Variants in ADK observed in about 807,000 individuals in gnomAD.
ADK encodes adenosine kinase, also known as N6,N6-dimethyladenosine kinase.
In ADK, 24 loss-of-function variants were observed where a neutral mutation model predicts 44.7. The observed-to-expected ratio is 0.54, with a 90% CI of 0.39 to 0.76. ADK has a LOEUF of 0.76. Ranked by LOEUF, ADK falls within the 30% of genes least tolerant of loss-of-function variation. The probability of loss-of-function intolerance (pLI) is 0.00; values close to 1 mark genes in which losing one functional copy is unlikely to be tolerated. For synonymous variants in ADK, 128 were observed against 142.6 expected, an observed-to-expected ratio of 0.90 and a Z score of 0.73; for missense variants, 321 against 425.1, an observed-to-expected ratio of 0.76 and a Z score of 2.15.
rs368996235 is a variant in ADK at position 74,522,434 on chromosome 10, G to A, written c.556-2822G>A. On this transcript the variant is annotated intron_variant, in intron 6 of 10. Coordinates refer to ENST00000539909, the MANE Select transcript of ADK (RefSeq NM_006721.4). ...CTTCTGCGGGTTTTCTCAATTGCTA[G>A]GGGGCCATATTTTGGGGTATTGTAT... Among the ~76,000 whole-genome samples the A allele has an allele frequency of 7.2e-5, 11 of 152,078 alleles. 1 individual carries two copies.
chr10:74,301,383 G>A (rs747542831), intron 3 of ADK, among the ~76,000 whole-genome samples: 1 of 151,650 alleles, frequency 6.6e-6, no homozygotes. Flanking sequence ...GCGTGGTGGC[G>A]TGCGCCTGTA....
chr10:74,294,732 A>G (rs1462004257), intron 3 of ADK, among the ~76,000 whole-genome samples: 1 of 152,212 alleles, frequency 6.6e-6, no homozygotes, highest in Non-Finnish European at 1.5e-5. Flanking sequence ...CTTGACCATG[A>G]CCACTAATAA....
At chr10:74,499,239 T>C (rs1366206697) in intron 6 of ADK, among the ~76,000 whole-genome samples, 1 of 152,162 alleles carries the variant, frequency 6.6e-6, no homozygotes, top group Non-Finnish European at 1.5e-5. Flanking sequence ...GTTTTTTATA[T>C]TGAAGCCTTA....
intron 4 of ADK, among the ~76,000 whole-genome samples, chr10:74,390,481 ATTG>A (rs1843294830): frequency 6.6e-6 from 1 of 152,120 alleles, no homozygotes; most frequent in Non-Finnish European, 1.5e-5. Context: ...TGATCCACCA[ATTG>A]TTAACATTTC....
intron 6 of ADK, among the ~76,000 whole-genome samples, chr10:74,513,730 G>A (rs1040990199): frequency 7.2e-5 from 11 of 151,954 alleles, no homozygotes; most frequent in Admixed American, 1.3e-4. Flanking sequence ...ATTTACAATC[G>A]TGTTATTATT....
chr10:74,637,223 G>T (rs1035003330), intron 9 of ADK, among the ~76,000 whole-genome samples: 2 of 151,904 alleles, frequency 1.3e-5, no homozygotes, highest in Non-Finnish European at 2.9e-5. Context: ...ATGAAATTCT[G>T]AATATAAAAT....
At chr10:74,500,489 G>GT (rs1447005738) in intron 6 of ADK, among the ~76,000 whole-genome samples, 1 of 152,206 alleles carries the variant, frequency 6.6e-6, no homozygotes, top group East Asian at 1.9e-4. Context: ...TTCTGATTCA[G>GT]TAAGTCTGGG....
In ADK at chr10:74,224,443, A is replaced by G. The variant is rs117382363; in HGVS notation, c.141-95A>G. The G allele has an allele frequency of 4.8e-3, 4,457 of 921,624 alleles. 9 individuals carry two copies. Among genetic ancestry groups the G allele is most frequent in the Non-Finnish European group, 6.5e-3 (3,677 of 564,198 alleles). 57.1% of individuals were successfully genotyped at this position (921,624 alleles called of 1,614,324 possible). A position where few individuals can be genotyped will look rare whatever the true frequency, so the allele number is the denominator to read the frequency against. On this transcript the variant is annotated intron_variant, in intron 2 of 10. Transcript: ENST00000539909. ...GTTTTATCAATTAAGTCAGAGACCT[A>G]TAACAGTGTTGGAGTGCTTGTTTTG...
chr10:74,634,306 C>T (rs1853545775), intron 9 of ADK, among the ~76,000 whole-genome samples: 2 of 152,094 alleles, frequency 1.3e-5, no homozygotes, highest in African/African-American at 4.8e-5. Flanking sequence ...GCTCCGCCTC[C>T]CCAGTTCACG....
At position 74,353,825 on chromosome 10, in the gene ADK, G is replaced by A. The variant is rs192052449; in HGVS notation, c.273+39080G>A. On this transcript the variant is annotated intron_variant, in intron 4 of 10. Coordinates refer to ENST00000539909, the MANE Select transcript of ADK (RefSeq NM_006721.4). Reference sequence around the variant, plus strand: ...GGAGCTTGCAGTGAGCTGAGATTGCGCCACTGCACTCCAGCTCTGGCGACA... The same window carrying A: ...GGAGCTTGCAGTGAGCTGAGATTGCACCACTGCACTCCAGCTCTGGCGACA... Among the ~76,000 whole-genome samples the A allele has an allele frequency of 2.0e-3, 310 of 152,164 alleles. 1 individual carries two copies. The highest frequency in any genetic ancestry group is 3.6e-3 in the Non-Finnish European group (243 of 67,992).
At chr10:74,604,234 T>C (rs918839442) in intron 9 of ADK, among the ~76,000 whole-genome samples, 1 of 152,250 alleles carries the variant, frequency 6.6e-6, no homozygotes, top group East Asian at 1.9e-4. Context: ...TCATTTGCTG[T>C]GCAGAAGCTC....
chr10:74,339,335 G>C (rs1841512244), intron 4 of ADK, among the ~76,000 whole-genome samples: 1 of 152,110 alleles, frequency 6.6e-6, no homozygotes, highest in Non-Finnish European at 1.5e-5. Context: ...TTTTTAAAAT[G>C]ATCCACTTTA....
intron 2 of ADK, among the ~76,000 whole-genome samples, chr10:74,204,410 T>G (rs1017308128): frequency 6.6e-6 from 1 of 152,238 alleles, no homozygotes; most frequent in Non-Finnish European, 1.5e-5. Flanking sequence ...TGTAGAAATA[T>G]AAGTAATTAT....
intron 7 of ADK, among the ~76,000 whole-genome samples, chr10:74,569,239 G>T (rs1356978786): frequency 2.6e-5 from 4 of 152,138 alleles, no homozygotes; most frequent in Admixed American, 2.6e-4. Context: ...ATAAACATAC[G>T]TGTGCATGTG....
At chr10:74,694,864 C>A (rs1856117661) in intron 10 of ADK, among the ~76,000 whole-genome samples, 1 of 152,022 alleles carries the variant, frequency 6.6e-6, no homozygotes, top group African/African-American at 2.4e-5. Context: ...ATATTTTCTA[C>A]CTCTAGGACA....
chr10:74,237,903 A>G (rs1845033131), intron 3 of ADK, among the ~76,000 whole-genome samples: 1 of 152,180 alleles, frequency 6.6e-6, no homozygotes, highest in Admixed American at 6.5e-5. Context: ...GTTCGAGACC[A>G]GCCTGACCAA....
intron 1 of ADK, chr10:74,176,651 G>A: frequency 1.1e-5 from 16 of 1,413,078 alleles, no homozygotes; most frequent in Non-Finnish European, 1.5e-5. Flanking sequence ...GGCGTCTGGG[G>A]ACGATCTCCA....
At chr10:74,677,060 C>T (rs372318714) in intron 10 of ADK, among the ~76,000 whole-genome samples, 29 of 152,056 alleles carry the variant, frequency 1.9e-4, no homozygotes, top group African/African-American at 5.6e-4. Flanking sequence ...GCCTGGACAA[C>T]GTGGCAAAAC....
intron 3 of ADK, among the ~76,000 whole-genome samples, chr10:74,242,230 T>G (rs760854705): frequency 6.6e-6 from 1 of 152,262 alleles, no homozygotes; most frequent in African/African-American, 2.4e-5. Flanking sequence ...GATGTTTAAT[T>G]CCTTTACTTT....
Sources: gnomAD v4.1 joint callset for allele counts (sites outside exome capture counted in the v4.1 genomes callset) on GRCh38, gnomAD v4.1.1 for gene constraint, MANE v1.5 for transcripts, NCBI Gene and HGNC (gene_info 2026-07-23, HGNC 2026-07-21) for gene names.